The following CALML6 variants were observed in gnomAD, a reference collection of about 807,000 sequenced individuals.
CALML6 encodes the protein calmodulin like 6.
Under a neutral mutation model 25.0 loss-of-function variants are expected in CALML6, and 27 were observed. The ratio of observed to expected loss-of-function variants is 1.08; its 90% confidence interval spans 0.80 to 1.49. The LOEUF (loss-of-function observed/expected upper bound fraction) is 1.49, where lower values mean the gene tolerates loss of function less well. Among genes scored for constraint, CALML6 ranks in the 40% most tolerant of loss-of-function variants. The pLI, the probability that CALML6 is intolerant of heterozygous loss-of-function variation, is 0.00. For synonymous variants in CALML6, 97 were observed against 87.2 expected, an observed-to-expected ratio of 1.11 and a Z score of -0.63; for missense variants, 239 against 232.7, an observed-to-expected ratio of 1.03 and a Z score of -0.18.
At chr1:1,915,829 T>TCC in intron 2 of CALML6, 94 bp downstream of exon 2, 2 of 1,286,170 alleles carry the variant, frequency 1.6e-6, no homozygotes, top group Non-Finnish European at 2.2e-6. Flanking sequence ...CCACGGAGCC[T>TCC]GGGCAGGAAG....
In CALML6 at chr1:1,916,886, A is replaced by G. The variant is rs1476412310; in HGVS notation, c.388A>G (p.Asn130Asp). 1.9e-6 allele frequency: 3 copies of G among 1,611,340 alleles called. No individual in the cohort carries two copies. Among genetic ancestry groups the G allele is most frequent in the Admixed American group, 3.3e-5 (2 of 59,910 alleles). Residue 130 changes from asparagine (N) to aspartate (D), a missense_variant, in exon 4 of 6, where the codon AAC becomes GAC. Asn to Asp is a conservative substitution (Grantham distance 23). Around this residue, in one of 2 missense-constraint regions of CALML6, gnomAD observed 231 missense variants for 210.9 expected, o/e 1.10. Transcript: ENST00000307786. ...DKEGKGYIDWNTLKYVLMNAG... is the reference protein window; with the variant it reads ...DKEGKGYIDWDTLKYVLMNAG... ...AGAGGGCAAGGGCTACATTGACTGG[A>G]ACACACTCAAGTAGGGCCCGGGTTG...
chr1:1,915,933 C>T, intron 2 of CALML6, 198 bp downstream of exon 2: 6 of 615,172 alleles, frequency 9.8e-6, no homozygotes, highest in Non-Finnish European at 1.8e-5. Flanking sequence ...AAAGCTGGCT[C>T]CCAGATGGGC....
Position 1,916,804 on chromosome 1 carries a change from TGAG to T in CALML6, c.307_309del (p.Glu103del), listed in dbSNP as rs1651137627. 6.2e-7 allele frequency: 1 copy of T among 1,613,068 alleles called. No individual in the cohort carries two copies. The highest frequency in any genetic ancestry group is 1.3e-5 in the African/African-American group (1 of 74,766). ...TCCTGGCACTAATGGGAGTTTACCA[TGAG>T]AAGGCCCAGAACCAGGAGAGCGAGC... On this transcript the variant is annotated inframe_deletion, in exon 4 of 6. Coordinates refer to ENST00000307786, the MANE Select transcript of CALML6 (RefSeq NM_138705.4).
In CALML6 at chr1:1,916,753, C is replaced by T. The variant is rs767467758; in HGVS notation, c.255C>T (p.Asn85=). The change falls in exon 4 of 6, where the codon AAC becomes AAT. Residue 85 remains asparagine (N), a splice_region_variant and synonymous_variant. Transcript: ENST00000307786. ...ASMAKDVDRD[N]KGFFNCDGFL... ...GAGCCCCAGCTGTGCCCCTTGCAGACAAAGGGTTCTTCAACTGCGATGGTT... is the reference window on the plus strand; with the variant it reads ...GAGCCCCAGCTGTGCCCCTTGCAGATAAAGGGTTCTTCAACTGCGATGGTT... 1.2e-6 allele frequency: 2 copies of T among 1,613,504 alleles called. No homozygotes were observed. Among genetic ancestry groups the T allele is most frequent in the Admixed American group, 1.7e-5 (1 of 60,020 alleles).
In CALML6 at chr1:1,917,036, A is replaced by C; in HGVS notation, c.461A>C (p.Glu154Ala). 4 of 1,610,000 alleles carry C rather than the reference A, an allele frequency of 2.5e-6. No individual in the cohort carries two copies. Among genetic ancestry groups the C allele is most frequent in the Non-Finnish European group, 3.4e-6 (4 of 1,177,710 alleles). The stretch of plus-strand genomic sequence containing the variant: ...GTGGAGGCGGAGCAGATGATGAAGG[A>C]GGCCGACAAGGATGGGGACAGGACC... The part of the protein sequence containing the change: ...NEVEAEQMMK[E>A]ADKDGDRTID... The change falls in exon 5 of 6, where the codon GAG becomes GCG. Residue 154 changes from glutamate (E) to alanine (A), a missense_variant. Glu to Ala is a moderately radical substitution (Grantham distance 107). Around this residue, in one of 2 missense-constraint regions of CALML6, gnomAD observed 231 missense variants for 210.9 expected, o/e 1.10. Coordinates refer to ENST00000307786, the MANE Select transcript of CALML6 (RefSeq NM_138705.4).
At chr1:1,916,074 G>T in intron 2 of CALML6, 1 of 451,754 alleles carries the variant, frequency 2.2e-6, no homozygotes, top group Non-Finnish European at 4.0e-6. Flanking sequence ...TCCCGGGCCA[G>T]GGCTGGGCTC....
chr1:1,915,635 G>C, intron 1 of CALML6, 50 bp from the exon 2 acceptor site: 1 of 1,601,758 alleles, frequency 6.2e-7, no homozygotes, highest in Non-Finnish European at 8.5e-7. Context: ...CAGGCAGCCA[G>C]GCCCAGCTAA....
chr1:1,916,032 G>T, intron 2 of CALML6: 1 of 508,276 alleles, frequency 2.0e-6, no homozygotes, highest in Non-Finnish European at 3.6e-6. Flanking sequence ...TCTGCTTCCT[G>T]GGCTGTATCC....
In CALML6 at chr1:1,917,293, C is replaced by A; in HGVS notation, c.*100C>A. Reference sequence around the variant, plus strand: ...CTCCGTGTAAAATAAATGTTCCAGCCCAACCTGTGTGTGCCTCACTGTCCC... The same window carrying A: ...CTCCGTGTAAAATAAATGTTCCAGCACAACCTGTGTGTGCCTCACTGTCCC... On this transcript the variant is annotated 3_prime_UTR_variant, in exon 6 of 6. Coordinates refer to ENST00000307786, the MANE Select transcript of CALML6 (RefSeq NM_138705.4). 1 of 1,337,580 alleles carries A rather than the reference C, an allele frequency of 7.5e-7. No homozygotes were observed. Among genetic ancestry groups the A allele is most frequent in the Non-Finnish European group, 1.0e-6 (1 of 972,836 alleles). The allele number at this position is 1,337,580 out of a possible 1,614,324, so 82.9% of individuals were successfully genotyped here. A position where few individuals can be genotyped will look rare whatever the true frequency, so the allele number is the denominator to read the frequency against.
chr1:1,917,188 CA>C lies in CALML6; in HGVS notation c.542del (p.Gln181ArgfsTer?). The C allele has an allele frequency of 6.2e-7, 1 of 1,600,908 alleles. No individual in the cohort carries two copies. Among genetic ancestry groups the C allele is most frequent in the Non-Finnish European group, 8.5e-7 (1 of 1,175,530 alleles). ...MMTGESFKLI[Q>X] ...GACGGGGGAGTCCTTCAAGCTGATC[CA>C]GTAGGTGCAGCTGCCGCAGCCGGGG... On this transcript the variant is annotated frameshift_variant, in exon 6 of 6. Transcript: ENST00000307786. LOFTEE classifies it high-confidence loss of function.
chr1:1,915,472 A>T, intron 1 of CALML6, 165 bp downstream of exon 1: 2 of 1,386,068 alleles, frequency 1.4e-6, no homozygotes, highest in Non-Finnish European at 1.9e-6. Flanking sequence ...CCCCGCACTT[A>T]GCCTTCGGTG....
rs1651157635 is a variant in CALML6 at position 1,917,076 on chromosome 1, T to C, written c.499+2T>C. On this transcript the variant is annotated splice_donor_variant, in intron 5 of 5. Coordinates refer to ENST00000307786, the MANE Select transcript of CALML6 (RefSeq NM_138705.4). LOFTEE classifies it high-confidence loss of function. ...GGGACAGGACCATCGACTATGAGGGTGAGTGGCCTGGAGCCCTGGGAGCCG... is the reference window on the plus strand; with the variant it reads ...GGGACAGGACCATCGACTATGAGGGCGAGTGGCCTGGAGCCCTGGGAGCCG... 5 of 1,609,742 alleles carry C rather than the reference T, an allele frequency of 3.1e-6. No individual in the cohort carries two copies. In the East Asian group the frequency reaches 8.9e-5, roughly 29 times the overall value.
chr1:1,915,999 C>T (rs916605089), intron 2 of CALML6: 7 of 550,418 alleles, frequency 1.3e-5, no homozygotes, highest in African/African-American at 7.6e-5. Context: ...CTCCGGAATG[C>T]CACACAGGCT....
chr1:1,916,162 C>T (rs765838078), intron 2 of CALML6: 27 of 432,282 alleles, frequency 6.2e-5, no homozygotes, highest in African/African-American at 7.9e-5. Flanking sequence ...CTGCCTGGCC[C>T]GCCTGGCCCT....
At position 1,916,974 on chromosome 1, in the gene CALML6, G is replaced by A; in HGVS notation, c.399G>A (p.Lys133=). 1 of 1,611,012 alleles carries A rather than the reference G, an allele frequency of 6.2e-7. No homozygotes were observed. The highest frequency in any genetic ancestry group is 8.5e-7 in the Non-Finnish European group (1 of 1,178,426). ...GKGYIDWNTL[K]YVLMNAGEPL... Reference sequence around the variant, plus strand: ...AGTGGCTCAGCGCCAGGCCCCGTAGGTACGTGCTAATGAACGCAGGGGAGC... The same window carrying A: ...AGTGGCTCAGCGCCAGGCCCCGTAGATACGTGCTAATGAACGCAGGGGAGC... The change falls in exon 5 of 6, where the codon AAG becomes AAA. Residue 133 remains lysine (K), a splice_region_variant and synonymous_variant. Transcript: ENST00000307786.
Position 1,916,005 on chromosome 1 carries a change from A to C in CALML6, c.78+270A>C. On this transcript the variant is annotated intron_variant, in intron 2 of 5. Coordinates refer to ENST00000307786, the MANE Select transcript of CALML6 (RefSeq NM_138705.4). ...GGACTCTCCCTCCGGAATGCCACAC[A>C]GGCTGGAGCCCAGGGTTCTGCTTCC... 3.7e-6 allele frequency: 2 copies of C among 543,404 alleles called. 1 individual carries two copies. Among genetic ancestry groups the C allele is most frequent in the South Asian group, 4.1e-5 (2 of 48,246 alleles). The allele number at this position is 543,404 out of a possible 1,614,324, so 33.7% of individuals were successfully genotyped here. A position where few individuals can be genotyped will look rare whatever the true frequency, so the allele number is the denominator to read the frequency against.
chr1:1,915,437 C>A, intron 1 of CALML6, 130 bp downstream of exon 1: 2 of 1,476,102 alleles, frequency 1.4e-6, no homozygotes, highest in South Asian at 1.3e-5. Flanking sequence ...GTGAGGGTCC[C>A]GCCATGTCTC....
chr1:1,916,670 G>A, intron 3 of CALML6, 55 bp downstream of exon 3: 1 of 1,605,408 alleles, frequency 6.2e-7, no homozygotes, highest in East Asian at 2.2e-5. Flanking sequence ...TGGGTCAGGT[G>A]TCAGTGCCTA....
Position 1,916,554 on chromosome 1 carries a change from G to T in CALML6, c.192G>T (p.Leu64=), listed in dbSNP as rs1651122527. 4.3e-6 allele frequency: 7 copies of T among 1,612,692 alleles called. No individual in the cohort carries two copies. Among genetic ancestry groups the T allele is most frequent in the Non-Finnish European group, 5.9e-6 (7 of 1,179,620 alleles). Residue 64 remains leucine (L), a synonymous_variant, in exon 3 of 6, where the codon CTG becomes CTT. Coordinates refer to ENST00000307786, the MANE Select transcript of CALML6 (RefSeq NM_138705.4). ...GGGAGCTGGAGTGGCTCATGAGCCT[G>T]CTGGGTATCAACCCCACCAAGAGTG... The part of the protein sequence containing the change: ...KTGELEWLMS[L]LGINPTKSEL...
Sources: allele counts gnomAD v4.1 joint callset, GRCh38; gene constraint gnomAD v4.1.1; regional missense constraint gnomAD v4.1.1; transcripts MANE v1.5; gene names NCBI Gene and HGNC (gene_info 2026-07-23, HGNC 2026-07-21).